SNTG2: variants seen among roughly 807,000 people sequenced by gnomAD.
The protein encoded by SNTG2 is gamma-2-syntrophin.
A neutral mutation model predicts 70.9 loss-of-function variants in SNTG2; 74 were observed. The ratio of observed to expected loss-of-function variants is 1.04; its 90% CI spans 0.86 to 1.27. The LOEUF (loss-of-function observed/expected upper bound fraction) is 1.27. Ranked by LOEUF, SNTG2 falls within the 50% of genes most tolerant of loss-of-function variation. The pLI is 0.00. For synonymous variants in SNTG2, 278 were observed against 273.8 expected (o/e 1.02, Z -0.15); for missense variants, 717 against 690.7 (o/e 1.04, Z -0.43).
chr2:1,175,442 T>C (rs1303816409), intron 8 of SNTG2, among the ~76,000 whole-genome samples: 1 of 152,226 alleles, frequency 6.6e-6, no homozygotes, highest in Non-Finnish European at 1.5e-5. Flanking sequence ...TGAATTTCAA[T>C]AGCTCTTGAT....
At position 1,352,310 on chromosome 2, in the gene SNTG2, C is replaced by T. The variant is rs1425823947; in HGVS notation, c.1489-15033C>T. ...CTCCTCTCCTCCCCTCTGCTCCTTTCAAATGGGATGCCAGCCCCTCTGCCT... is the reference window on the plus strand; with the variant it reads ...CTCCTCTCCTCCCCTCTGCTCCTTTTAAATGGGATGCCAGCCCCTCTGCCT... On this transcript the variant is annotated intron_variant, in intron 16 of 16. Coordinates refer to ENST00000308624, the MANE Select transcript of SNTG2 (RefSeq NM_018968.4). 3.3e-5 allele frequency among the ~76,000 whole-genome samples: 5 copies of T among 152,204 alleles called. No homozygotes were observed. The East Asian group carries it at 9.6e-4, about 29-fold the overall frequency.
At chr2:1,074,200 G>A (rs75868677) in intron 1 of SNTG2, among the ~76,000 whole-genome samples, 1,725 of 152,326 alleles carry the variant, frequency 0.011, 36 homozygotes, top group African/African-American at 0.039. Context: ...CTCTGTGCAT[G>A]TGTGACCCTC....
chr2:1,174,450 C>T (rs1305523530), intron 8 of SNTG2, among the ~76,000 whole-genome samples: 1 of 152,064 alleles, frequency 6.6e-6, no homozygotes, highest in African/African-American at 2.4e-5. Flanking sequence ...TGTCAGTTGC[C>T]TGTGGACACT....
chr2:1,152,954 T>C (rs1669614834), intron 6 of SNTG2, among the ~76,000 whole-genome samples: 1 of 152,062 alleles, frequency 6.6e-6, no homozygotes, highest in Non-Finnish European at 1.5e-5. Flanking sequence ...CAAAACCCTG[T>C]CTCTAGTAAA....
At chr2:1,273,798 A>T (rs1451336808) in intron 14 of SNTG2, among the ~76,000 whole-genome samples, 1 of 152,042 alleles carries the variant, frequency 6.6e-6, no homozygotes, top group Non-Finnish European at 1.5e-5. Context: ...ATGAAAAAAA[A>T]TTGATAATTT....
intron 1 of SNTG2, among the ~76,000 whole-genome samples, chr2:1,049,273 CAG>C (rs1661916990): frequency 6.6e-6 from 1 of 152,190 alleles, no homozygotes. Flanking sequence ...TAGTTTCATA[CAG>C]AGTCACTTCA....
intron 2 of SNTG2, among the ~76,000 whole-genome samples, chr2:1,091,074 T>A (rs907699974): frequency 1.3e-5 from 2 of 152,092 alleles, no homozygotes; most frequent in Non-Finnish European, 2.9e-5. Flanking sequence ...CCTGTTCATG[T>A]CTGCTCTGTG....
intron 9 of SNTG2, among the ~76,000 whole-genome samples, chr2:1,233,326 A>G (rs911834550): frequency 3.3e-5 from 5 of 152,160 alleles, no homozygotes; most frequent in Non-Finnish European, 7.3e-5. Context: ...GACAACTGCT[A>G]ATGCTCTGTG....
rs1674833544 is a variant in SNTG2 at position 1,221,467 on chromosome 2, CTCTCTGT to C, written c.719+12238_719+12244del. 2.3e-3 allele frequency among the ~76,000 whole-genome samples: 76 copies of C among 33,238 alleles called. 3 individuals are homozygous for C. The highest frequency in any genetic ancestry group is 3.5e-3 in the East Asian group (1 of 288). 21.8% of individuals were successfully genotyped at this position (33,238 alleles called of 152,430 possible). ...TGTCTCTGTCTCTCTCTGTCTCTGT[CTCTCTGT>C]CTCTCTCTCTCTCTGTCTCTCTCTG... On this transcript the variant is annotated intron_variant, in intron 9 of 16. Transcript: ENST00000308624.
chr2:1,241,869 C>G (rs531691515), intron 11 of SNTG2, among the ~76,000 whole-genome samples: 1 of 152,228 alleles, frequency 6.6e-6, no homozygotes, highest in African/African-American at 2.4e-5. Flanking sequence ...AAGCAAAAAG[C>G]CAAAGGCAAA....
At chr2:1,253,618 A>G (rs916174324) in intron 12 of SNTG2, among the ~76,000 whole-genome samples, 8 of 152,204 alleles carry the variant, frequency 5.3e-5, no homozygotes, top group African/African-American at 1.7e-4. Flanking sequence ...CTCGTTCAAG[A>G]TGAGGAAGAG....
intron 6 of SNTG2, among the ~76,000 whole-genome samples, chr2:1,162,563 G>C (rs569257098): frequency 6.6e-6 from 1 of 152,106 alleles, no homozygotes; most frequent in Non-Finnish European, 1.5e-5. Flanking sequence ...AGTGGACAGC[G>C]GAGGTCTGTG....
intron 16 of SNTG2, among the ~76,000 whole-genome samples, chr2:1,318,421 A>G (rs4927637): frequency 0.12 from 18,251 of 152,288 alleles, 1,173 homozygotes; most frequent in South Asian, 0.18. Context: ...TTTAAGTACA[A>G]CGGAAATTGT....
At chr2:961,309 C>T (rs184160591) in intron 1 of SNTG2, among the ~76,000 whole-genome samples, 6 of 152,176 alleles carry the variant, frequency 3.9e-5, no homozygotes, top group African/African-American at 1.2e-4. Context: ...GGGATTCAAG[C>T]GATTTCTGGC....
chr2:1,116,979 A>G (rs375925728), intron 4 of SNTG2, among the ~76,000 whole-genome samples: 1,527 of 68,518 alleles, frequency 0.022, 26 homozygotes, highest in African/African-American at 0.077. Flanking sequence ...GTGCTCTGGC[A>G]TGTGGGTGCT....
chr2:1,347,728 C>G lies in SNTG2; in HGVS notation c.1489-19615C>G, dbSNP rs531180966. ...GAGAAAACTAGCTCAGAGGAGTCAG[C>G]TGTGTGAGGTTTGAAGAATTTATCA... On this transcript the variant is annotated intron_variant, in intron 16 of 16. Transcript: ENST00000308624. Among the ~76,000 whole-genome samples, 27 of 152,320 alleles carry G rather than the reference C, an allele frequency of 1.8e-4. No individual in the cohort carries two copies. In the South Asian group the frequency reaches 5.6e-3, roughly 32 times the overall value.
intron 16 of SNTG2, among the ~76,000 whole-genome samples, chr2:1,318,914 C>G (rs1468449770): frequency 1.3e-5 from 2 of 152,202 alleles, no homozygotes; most frequent in Non-Finnish European, 2.9e-5. Context: ...GAGCCTCTGT[C>G]ATCCCCGGGG....
At chr2:1,169,999 G>T (rs540974303) in intron 7 of SNTG2, among the ~76,000 whole-genome samples, 4 of 152,102 alleles carry the variant, frequency 2.6e-5, no homozygotes, top group African/African-American at 9.7e-5. Flanking sequence ...AATTCACACC[G>T]TGAAGGTAAA....
chr2:1,324,672 G>A (rs1681690011), intron 16 of SNTG2, among the ~76,000 whole-genome samples: 1 of 152,152 alleles, frequency 6.6e-6, no homozygotes, highest in African/African-American at 2.4e-5. Flanking sequence ...CAGTCCCCCA[G>A]TTTTACCAAA....
Sources: allele counts gnomAD v4.1 joint callset (sites outside exome capture counted in the v4.1 genomes callset), GRCh38; gene constraint gnomAD v4.1.1; transcripts MANE v1.5; gene names NCBI Gene and HGNC (gene_info 2026-07-23, HGNC 2026-07-21).